Variants in SGMS1 observed in about 807,000 individuals in gnomAD.
SGMS1 encodes sphingomyelin synthase 1, also known as phosphatidylcholine:ceramide cholinephosphotransferase 1.
A neutral mutation model predicts 46.2 loss-of-function variants in SGMS1; 13 were observed. That is an observed-to-expected ratio of 0.28 (90% CI 0.18 to 0.45). The LOEUF (loss-of-function observed/expected upper bound fraction) is 0.45. Ranked by LOEUF, SGMS1 falls within the 20% of genes least tolerant of loss-of-function variation. The pLI, the probability that SGMS1 is intolerant of heterozygous loss-of-function variation, is 1.00. For missense variants in SGMS1, 324 were observed against 519.9 expected (o/e 0.62, Z 3.66); for synonymous variants, 203 against 187.8 (o/e 1.08, Z -0.66).
rs772199185 is a variant in SGMS1, at chr10:50,585,079, AT to A, written c.-589+5073del. 3.9e-5 allele frequency among the ~76,000 whole-genome samples: 6 copies of A among 152,388 alleles called. No homozygotes were observed. The South Asian group carries it at 1.0e-3, about 26-fold the overall frequency. ...GTTTCAAATTCCTTAATGTAAAAAAATACTTCTATATTTTCTATTAAGAAGA... is the reference window on the plus strand; with the variant it reads ...GTTTCAAATTCCTTAATGTAAAAAAAACTTCTATATTTTCTATTAAGAAGA... On this transcript the variant is annotated intron_variant, in intron 2 of 10. Transcript: ENST00000361781.
chr10:50,464,743 T>G (rs1202139858), intron 4 of SGMS1, among the ~76,000 whole-genome samples: 1 of 152,208 alleles, frequency 6.6e-6, no homozygotes, highest in East Asian at 1.9e-4. Flanking sequence ...CCGTTGATTT[T>G]AGCCCAGTGA....
At chr10:50,538,700 G>A (rs1399678687) in intron 2 of SGMS1, among the ~76,000 whole-genome samples, 3 of 152,306 alleles carry the variant, frequency 2.0e-5, no homozygotes, top group African/African-American at 4.8e-5. Context: ...GACAACTTCT[G>A]TGTCTACTTA....
At chr10:50,448,408 ACT>A (rs1215297869) in intron 5 of SGMS1, among the ~76,000 whole-genome samples, 1 of 152,004 alleles carries the variant, frequency 6.6e-6, no homozygotes, top group African/African-American at 2.4e-5. Flanking sequence ...CCTCTGGAAA[ACT>A]CTATTGCACA....
At chr10:50,322,871 A>G (rs1847472649) in intron 8 of SGMS1, among the ~76,000 whole-genome samples, 3 of 150,052 alleles carry the variant, frequency 2.0e-5, no homozygotes. Flanking sequence ...AAAGATGAGA[A>G]GAGGTTGTTT....
At chr10:50,363,392 G>T (rs1848285132) in intron 6 of SGMS1, among the ~76,000 whole-genome samples, 1 of 152,170 alleles carries the variant, frequency 6.6e-6, no homozygotes, top group South Asian at 2.1e-4. Flanking sequence ...AGCCTTAAAA[G>T]TATGAGGAAT....
At chr10:50,343,355 G>T in intron 7 of SGMS1, 137 bp downstream of exon 7, 1 of 935,662 alleles carries the variant, frequency 1.1e-6, no homozygotes, top group South Asian at 2.1e-5. Flanking sequence ...AGTCCAACAG[G>T]GTATGTGTTT....
chr10:50,378,620 A>T (rs117335880), intron 6 of SGMS1, among the ~76,000 whole-genome samples: 1 of 152,184 alleles, frequency 6.6e-6, no homozygotes, highest in African/African-American at 2.4e-5. Context: ...CCAAACTCAT[A>T]TATATATAGT....
rs537660900 is a variant in SGMS1, at chr10:50,572,943, C to A, written c.-589+17210G>T. Among the ~76,000 whole-genome samples, 43 of 152,238 alleles carry A rather than the reference C, an allele frequency of 2.8e-4. No homozygotes were observed. The South Asian group carries it at 8.7e-3, about 31-fold the overall frequency. On this transcript the variant is annotated intron_variant, in intron 2 of 10. Transcript: ENST00000361781. ...TTCTGTCCCTATTATCACTGTTGCA[C>A]CAGGGTAAACATTCTATGTACCTTG...
intron 7 of SGMS1, 96 bp downstream of exon 7, chr10:50,343,396 C>A: frequency 7.5e-7 from 1 of 1,338,658 alleles, no homozygotes; most frequent in Non-Finnish European, 9.9e-7. Context: ...ATGTTTTGAT[C>A]CCAACAAGTT....
chr10:50,415,665 T>C (rs1377094508), intron 6 of SGMS1, among the ~76,000 whole-genome samples: 2 of 152,168 alleles, frequency 1.3e-5, no homozygotes, highest in Non-Finnish European at 2.9e-5. Flanking sequence ...TTCTCTTGTA[T>C]GATGATATGC....
At chr10:50,394,165 G>T (rs775367442) in intron 6 of SGMS1, among the ~76,000 whole-genome samples, 10 of 152,206 alleles carry the variant, frequency 6.6e-5, no homozygotes, top group Non-Finnish European at 1.3e-4. Context: ...TACAGATAAT[G>T]TGACTCTTGT....
chr10:50,479,824 T>C (rs190570107), intron 3 of SGMS1, among the ~76,000 whole-genome samples: 65 of 152,278 alleles, frequency 4.3e-4, no homozygotes, highest in Non-Finnish European at 8.8e-4. Context: ...AATGGATGTA[T>C]GGATATTTCT....
At chr10:50,497,008 G>T (rs2133749954) in intron 3 of SGMS1, among the ~76,000 whole-genome samples, 1 of 152,298 alleles carries the variant, frequency 6.6e-6, no homozygotes, top group East Asian at 1.9e-4. Context: ...ACTGGTAAAA[G>T]TGATCTTAAA....
chr10:50,401,466 A>T (rs916731164), intron 6 of SGMS1, among the ~76,000 whole-genome samples: 1 of 152,192 alleles, frequency 6.6e-6, no homozygotes, highest in African/African-American at 2.4e-5. Context: ...GAGTGGCAAC[A>T]CTGGGAACCA....
At chr10:50,616,778 T>A (rs1411743730) in intron 1 of SGMS1, among the ~76,000 whole-genome samples, 3 of 152,148 alleles carry the variant, frequency 2.0e-5, no homozygotes, top group Admixed American at 2.0e-4. Context: ...AATGTTATCA[T>A]GACAGAGAAA....
intron 6 of SGMS1, among the ~76,000 whole-genome samples, chr10:50,356,419 C>A (rs185031537): frequency 3.9e-5 from 6 of 152,118 alleles, no homozygotes; most frequent in East Asian, 1.9e-4. Flanking sequence ...ACAAACACTG[C>A]GGAAGGCGGA....
intron 3 of SGMS1, among the ~76,000 whole-genome samples, chr10:50,514,148 T>C (rs1002404143): frequency 2.6e-5 from 4 of 152,172 alleles, no homozygotes; most frequent in African/African-American, 9.7e-5. Flanking sequence ...CAACATGTCG[T>C]TGTGTTTTGT....
chr10:50,390,107 T>C (rs1380598490), intron 6 of SGMS1, among the ~76,000 whole-genome samples: 1 of 152,242 alleles, frequency 6.6e-6, no homozygotes, highest in African/African-American at 2.4e-5. Context: ...TTTATATAAA[T>C]AATTCATTGA....
intron 6 of SGMS1, among the ~76,000 whole-genome samples, chr10:50,424,124 G>A (rs1007874916): frequency 1.3e-5 from 2 of 152,194 alleles, no homozygotes; most frequent in African/African-American, 4.8e-5. Flanking sequence ...TGGGACTATT[G>A]TGTCTAATAC....
Sources: allele counts gnomAD v4.1 joint callset (sites outside exome capture counted in the v4.1 genomes callset), GRCh38; gene constraint gnomAD v4.1.1; transcripts MANE v1.5; gene names NCBI Gene and HGNC (gene_info 2026-07-23, HGNC 2026-07-21).